Variants in MAP2K5 observed in about 807,000 individuals in gnomAD.
MAP2K5 encodes mitogen-activated protein kinase kinase 5, also known as dual specificity mitogen-activated protein kinase kinase 5.
MAP2K5 carries 49 observed loss-of-function variants against 83.1 expected under a neutral mutation model. That is an observed-to-expected ratio of 0.59 (90% confidence interval 0.47 to 0.75). The LOEUF (loss-of-function observed/expected upper bound fraction) is 0.75. Among genes scored for constraint, MAP2K5 ranks in the 30% least tolerant of loss-of-function variants. The pLI, the probability that MAP2K5 is intolerant of heterozygous loss-of-function variation, is 0.00. For missense variants in MAP2K5, 457 were observed against 557.5 expected (o/e 0.82, Z 1.82); for synonymous variants, 202 against 191.8 (o/e 1.05, Z -0.44).
intron 13 of MAP2K5, among the ~76,000 whole-genome samples, chr15:67,684,980 A>T (rs188754561): frequency 1.4e-4 from 22 of 152,290 alleles, no homozygotes; most frequent in African/African-American, 3.8e-4. Context: ...AGTCTAAGAT[A>T]TATGTGTTAA....
intron 3 of MAP2K5, among the ~76,000 whole-genome samples, chr15:67,578,814 C>T (rs551561852): frequency 1.1e-4 from 16 of 152,084 alleles, no homozygotes; most frequent in African/African-American, 3.6e-4. Context: ...TTCATGCATG[C>T]GAGGTTTTAT....
intron 16 of MAP2K5, among the ~76,000 whole-genome samples, chr15:67,712,671 C>A (rs763007529): frequency 2.0e-5 from 3 of 152,050 alleles, no homozygotes; most frequent in Non-Finnish European, 2.9e-5. Flanking sequence ...GTAATCCCAA[C>A]ACTTTAGGAG....
chr15:67,752,021 C>T (rs780502255), intron 19 of MAP2K5, among the ~76,000 whole-genome samples: 9 of 152,158 alleles, frequency 5.9e-5, no homozygotes, highest in Non-Finnish European at 1.3e-4. Context: ...TTTGTCCCAA[C>T]AACCTGACCG....
chr15:67,582,823 AACAC>A (rs10579310), intron 4 of MAP2K5, among the ~76,000 whole-genome samples: 2,465 of 147,798 alleles, frequency 0.017, 61 homozygotes, highest in African/African-American at 0.044. Context: ...ATTGTCTCAA[AACAC>A]ACACACACAC....
In MAP2K5 at chr15:67,625,564, T is replaced by C. The variant is rs185722881; in HGVS notation, c.546-5324T>C. ...TTCATTAATCACTTTACAATTAATG[T>C]GTTGAGGAAGGTCAAGACAATTGAG... On this transcript the variant is annotated intron_variant, in intron 8 of 21. Coordinates refer to ENST00000178640, the MANE Select transcript of MAP2K5 (RefSeq NM_145160.3). Among the ~76,000 whole-genome samples the C allele has an allele frequency of 1.7e-4, 26 of 152,306 alleles. No individual in the cohort carries two copies. The East Asian group carries it at 5.0e-3, about 29-fold the overall frequency.
At position 67,543,784 on chromosome 15, in the gene MAP2K5, C is replaced by G. The variant is rs2140935766; in HGVS notation, c.135+314C>G. On this transcript the variant is annotated intron_variant, in intron 1 of 21. Transcript: ENST00000178640. The surrounding 1 kb of genome is among the most constrained non-coding windows in gnomAD (Gnocchi z 4.3). ...TGAATCTAGAAGAGAGGTTTTTTCC[C>G]CCCAAGTGTTTCGGGGAATGTCCTT... 6.6e-6 allele frequency among the ~76,000 whole-genome samples: 1 copy of G among 152,312 alleles called. No homozygotes were observed. Among genetic ancestry groups the G allele is most frequent in the Middle Eastern group, 3.4e-3 (1 of 294 alleles).
At chr15:67,667,433 A>C (rs2087408545) in intron 13 of MAP2K5, among the ~76,000 whole-genome samples, 1 of 152,190 alleles carries the variant, frequency 6.6e-6, no homozygotes, top group African/African-American at 2.4e-5. Context: ...GATGATGGGA[A>C]TTCTAGCTGA....
intron 16 of MAP2K5, among the ~76,000 whole-genome samples, chr15:67,706,361 C>T (rs117466843): frequency 7.9e-5 from 12 of 152,042 alleles, no homozygotes; most frequent in African/African-American, 1.9e-4. Flanking sequence ...TTTTCAGGAT[C>T]GAAGAGGATT....
At chr15:67,608,917 G>A (rs1192615156) in intron 8 of MAP2K5, among the ~76,000 whole-genome samples, 2 of 152,158 alleles carry the variant, frequency 1.3e-5, no homozygotes, top group Non-Finnish European at 2.9e-5. Flanking sequence ...CCAGCACGGT[G>A]CCTTACCTAC....
At chr15:67,799,517 T>G (rs556070373) in intron 21 of MAP2K5, among the ~76,000 whole-genome samples, 23 of 152,372 alleles carry the variant, frequency 1.5e-4, no homozygotes, top group African/African-American at 5.3e-4. Flanking sequence ...CTGCCCTGTG[T>G]TCAAAACCAG....
intron 21 of MAP2K5, among the ~76,000 whole-genome samples, chr15:67,798,402 C>G (rs577010106): frequency 6.6e-6 from 1 of 152,330 alleles, no homozygotes; most frequent in African/African-American, 2.4e-5. Flanking sequence ...CAGCTTCCTC[C>G]GACAAACTCA....
intron 15 of MAP2K5, among the ~76,000 whole-genome samples, 197 bp from the exon 16 acceptor site, chr15:67,703,140 A>G (rs185553416): frequency 5.3e-5 from 8 of 152,336 alleles, no homozygotes; most frequent in Non-Finnish European, 1.2e-4. Flanking sequence ...GTAAGAATAT[A>G]TCTATATATA....
rs1177291498 is a variant in MAP2K5 at position 67,749,949 on chromosome 15, T to A, written c.1134+1348T>A. ...TGTTTCCTGGGCTCTACCGTTGGTC[T>A]GCCAGGCTCCTAGGCATCAGAACAT... On this transcript the variant is annotated intron_variant, in intron 19 of 21. Transcript: ENST00000178640. This position sits in a 1 kb window ranked among gnomAD's most constrained non-coding sequence, Gnocchi z 4.6. Among the ~76,000 whole-genome samples the A allele has an allele frequency of 1.3e-5, 2 of 152,252 alleles. No homozygotes were observed. The highest frequency in any genetic ancestry group is 4.1e-4 in the South Asian group (2 of 4,830).
chr15:67,650,903 A>C (rs1434271268), intron 11 of MAP2K5, among the ~76,000 whole-genome samples: 1 of 152,180 alleles, frequency 6.6e-6, no homozygotes, highest in Non-Finnish European at 1.5e-5. Context: ...TGAAGGATTC[A>C]TGTTAATTCT....
intron 2 of MAP2K5, among the ~76,000 whole-genome samples, chr15:67,554,773 C>T (rs967658552): frequency 2.0e-5 from 3 of 152,178 alleles, no homozygotes; most frequent in Non-Finnish European, 4.4e-5. Context: ...AGCTTGCTGC[C>T]TTAGAGGAAC....
At chr15:67,624,150 T>A (rs944238420) in intron 8 of MAP2K5, among the ~76,000 whole-genome samples, 1 of 151,218 alleles carries the variant, frequency 6.6e-6, no homozygotes, top group South Asian at 2.1e-4. Context: ...CCATCCTGGC[T>A]AACACAGTGA....
At chr15:67,643,028 C>A (rs2086748301) in intron 9 of MAP2K5, among the ~76,000 whole-genome samples, 1 of 152,036 alleles carries the variant, frequency 6.6e-6, no homozygotes, top group African/African-American at 2.4e-5. Flanking sequence ...ACCTGGGGAG[C>A]TTTACAAAAT....
At position 67,800,748 on chromosome 15, in the gene MAP2K5, G is replaced by A. The variant is rs115756216; in HGVS notation, c.1243-5898G>A. On this transcript the variant is annotated intron_variant, in intron 21 of 21. Coordinates refer to ENST00000178640, the MANE Select transcript of MAP2K5 (RefSeq NM_145160.3). ...GTACGTGATGGGGCTCAGTGTACCT[G>A]GGCTTTGGTGCACTCACACAGCTTT... 1.3e-3 allele frequency among the ~76,000 whole-genome samples: 203 copies of A among 152,238 alleles called. 1 individual carries two copies. Among genetic ancestry groups the A allele is most frequent in the African/African-American group, 4.8e-3 (200 of 41,534 alleles).
In MAP2K5 at chr15:67,628,516, G is replaced by A. The variant is rs1452237283; in HGVS notation, c.546-2372G>A. Reference sequence around the variant, plus strand: ...AAATAAAAAATAAAAAAAAGACACTGAGGAATATCACCTAAGAGATTATTT... The same window carrying A: ...AAATAAAAAATAAAAAAAAGACACTAAGGAATATCACCTAAGAGATTATTT... On this transcript the variant is annotated intron_variant, in intron 8 of 21. Transcript: ENST00000178640. The A allele has an allele frequency of 8.0e-6, 6 of 746,332 alleles. No individual in the cohort carries two copies. In the Admixed American group the frequency reaches 1.1e-4, roughly 13 times the overall value. The allele number at this position is 746,332 out of a possible 1,614,324, so 46.2% of individuals were successfully genotyped here.
Sources: allele counts gnomAD v4.1 joint callset (sites outside exome capture counted in the v4.1 genomes callset), GRCh38; gene constraint gnomAD v4.1.1; non-coding constraint Gnocchi (gnomAD v3.1); transcripts MANE v1.5; gene names NCBI Gene and HGNC (gene_info 2026-07-23, HGNC 2026-07-21).